Variants in MYLK4 observed in about 807,000 individuals in gnomAD.
The protein encoded by MYLK4 is myosin light chain kinase family member 4.
Under a neutral mutation model 48.1 loss-of-function variants are expected in MYLK4, and 46 were observed. That is an observed-to-expected ratio of 0.96 (90% CI 0.75 to 1.22). MYLK4 has a LOEUF of 1.22. Among genes scored for constraint, MYLK4 ranks in the 50% most tolerant of loss-of-function variants. MYLK4 has a pLI of 0.00. For missense variants in MYLK4, 451 were observed against 486.1 expected (o/e 0.93, Z 0.68); for synonymous variants, 170 against 180.8 (o/e 0.94, Z 0.48).
intron 10 of MYLK4, among the ~76,000 whole-genome samples, chr6:2,676,888 T>A (rs569279148): frequency 6.6e-6 from 1 of 152,288 alleles, no homozygotes; most frequent in South Asian, 2.1e-4. Flanking sequence ...GTAAAACAGG[T>A]TCACAGTAAA....
chr6:2,683,034 T>A lies in MYLK4; in HGVS notation c.674A>T (p.His225Leu). Reference protein sequence around the residue: ...IRHMHQMYILHLDLKPENILC... With the variant: ...IRHMHQMYILLLDLKPENILC... ...AAACACCCTTACCTTCAGGTCCAAG[T>A]GGAGAATGTACATCTGATGCATGTG... The change falls in exon 7 of 13, where the codon CAC (histidine) becomes CTC (leucine). Residue 225 changes from histidine to leucine, a missense_variant. By Grantham distance (99) the His-to-Leu change is moderately conservative. Transcript: ENST00000274643. 6.2e-7 allele frequency: 1 copy of A among 1,614,184 alleles called. No individual in the cohort carries two copies. The highest frequency in any genetic ancestry group is 8.5e-7 in the Non-Finnish European group (1 of 1,180,032).
At chr6:2,687,600 G>GGAGCCA (rs1389382962) in intron 4 of MYLK4, among the ~76,000 whole-genome samples, 6 of 152,168 alleles carry the variant, frequency 3.9e-5, no homozygotes, top group Non-Finnish European at 1.5e-5. Flanking sequence ...AGGCTTCCAT[G>GGAGCCA]GAGCCAGTTC....
chr6:2,678,293 C>T lies in MYLK4; in HGVS notation c.967G>A (p.Glu323Lys). 4 of 1,614,176 alleles carry T rather than the reference C, an allele frequency of 2.5e-6. No homozygotes were observed. Among genetic ancestry groups the T allele is most frequent in the Non-Finnish European group, 3.4e-6 (4 of 1,180,036 alleles). Residue 323 changes from glutamate (E) to lysine (K), a missense_variant, in exon 10 of 13, where the codon GAG (glutamate) becomes AAG (lysine). Physicochemically the swap from Glu to Lys is moderately conservative, Grantham distance 56. Coordinates refer to ENST00000274643, the MANE Select transcript of MYLK4 (RefSeq NM_001012418.5). ...NNILACRWDLEDEEFQDISEE... is the reference protein window; with the variant it reads ...NNILACRWDLKDEEFQDISEE... Reference sequence around the variant, plus strand: ...GAGATGTCCTGAAATTCTTCATCCTCTAAGTCCCACCTGCAGGCCAGGATG... The same window carrying T: ...GAGATGTCCTGAAATTCTTCATCCTTTAAGTCCCACCTGCAGGCCAGGATG...
chr6:2,750,971 G>C (rs1406674753), upstream of MYLK4: 2 of 152,562 alleles, frequency 1.3e-5, no homozygotes, highest in Non-Finnish European at 2.9e-5. Context: ...TTGATCTCAC[G>C]TTGCTCAGCT....
At chr6:2,748,571 A>T (rs1764180339) in intron 2 of MYLK4, among the ~76,000 whole-genome samples, 1 of 152,228 alleles carries the variant, frequency 6.6e-6, no homozygotes, top group Non-Finnish European at 1.5e-5. Context: ...AATTGCTATT[A>T]TCTCACTAAT....
At chr6:2,748,010 A>G (rs1297018868) in intron 2 of MYLK4, among the ~76,000 whole-genome samples, 1 of 152,202 alleles carries the variant, frequency 6.6e-6, no homozygotes, top group East Asian at 1.9e-4. Context: ...TTATTCACTT[A>G]CAATAAAAAG....
intron 4 of MYLK4, 110 bp downstream of exon 4, chr6:2,688,741 G>T: frequency 1.2e-6 from 1 of 857,564 alleles, no homozygotes; most frequent in Non-Finnish European, 1.9e-6. Flanking sequence ...TTCTTAAAAT[G>T]TTTGTTTCTA....
chr6:2,667,861 A>G lies in MYLK4; in HGVS notation c.*64T>C, dbSNP rs531219303. 6.5e-6 allele frequency: 1 copy of G among 152,808 alleles called. No homozygotes were observed. The highest frequency in any genetic ancestry group is 2.1e-4 in the South Asian group (1 of 4,826). 9.5% of individuals were successfully genotyped at this position (152,808 alleles called of 1,614,324 possible). On this transcript the variant is annotated 3_prime_UTR_variant, in exon 13 of 13. Transcript: ENST00000274643. ...AGGCATCAGAACTGCTGATTTTTCA[A>G]AAAATTTTCTCGAAGCAGCAGCAAC...
At chr6:2,669,270 G>T (rs1238800382) in intron 12 of MYLK4, among the ~76,000 whole-genome samples, 1 of 152,204 alleles carries the variant, frequency 6.6e-6, no homozygotes, top group Non-Finnish European at 1.5e-5. Context: ...CAGAGGCTGT[G>T]TCCAGCTGCC....
At chr6:2,755,330 T>G (rs953216338), upstream of MYLK4, among the ~76,000 whole-genome samples, 27 of 152,314 alleles carry the variant, frequency 1.8e-4, no homozygotes, top group African/African-American at 6.5e-4. Flanking sequence ...CACCAAATGT[T>G]AGCATTTTCC....
chr6:2,706,559 G>C (rs1363551240), intron 2 of MYLK4, among the ~76,000 whole-genome samples: 1 of 152,002 alleles, frequency 6.6e-6, no homozygotes, highest in East Asian at 1.9e-4. Flanking sequence ...ATATAATAAT[G>C]GACAAGATTA....
chr6:2,757,136 G>A, the MYLK4 span, among the ~76,000 whole-genome samples: 1 of 137,888 alleles, frequency 7.3e-6, no homozygotes, highest in African/African-American at 2.7e-5. Context: ...TCTCAGAGGT[G>A]TGCTTTTTTT....
intron 3 of MYLK4, among the ~76,000 whole-genome samples, chr6:2,690,823 C>CTTTTTTTTTTTTTTTTTTTTTTTTT (rs35133716): frequency 1.1e-5 from 1 of 88,834 alleles, no homozygotes; most frequent in Non-Finnish European, 2.1e-5. Context: ...CTCTCTGAAT[C>CTTTTTTTTTTTTTTTTTTTTTTTTT]TTTTTTTTTT....
chr6:2,766,080 C>T, the MYLK4 span: 4 of 1,299,662 alleles, frequency 3.1e-6, no homozygotes, highest in South Asian at 2.3e-5. Context: ...GGGAGCGCGT[C>T]TCCGCGCAGC....
chr6:2,737,911 T>C (rs1582117855), intron 2 of MYLK4, among the ~76,000 whole-genome samples: 1 of 126,572 alleles, frequency 7.9e-6, no homozygotes, highest in African/African-American at 2.9e-5. Context: ...TTTTTTTTTT[T>C]CTCTAAGCCA....
the MYLK4 span, among the ~76,000 whole-genome samples, chr6:2,762,941 T>G: frequency 6.6e-6 from 1 of 152,142 alleles, no homozygotes; most frequent in Non-Finnish European, 1.5e-5. Flanking sequence ...ATTAAGACAA[T>G]TCAGACCCAA....
chr6:2,705,348 G>A (rs1483206251), intron 2 of MYLK4, among the ~76,000 whole-genome samples: 1 of 152,192 alleles, frequency 6.6e-6, no homozygotes, highest in Non-Finnish European at 1.5e-5. Context: ...GGAGGGTGAT[G>A]GGAGTAGTCT....
intron 2 of MYLK4, among the ~76,000 whole-genome samples, chr6:2,744,389 G>C (rs1328476458): frequency 1.3e-5 from 2 of 152,218 alleles, no homozygotes; most frequent in Non-Finnish European, 2.9e-5. Flanking sequence ...TGCCGAGGCT[G>C]GGCCACTGCC....
chr6:2,767,836 G>A, the MYLK4 span, among the ~76,000 whole-genome samples: 1 of 152,320 alleles, frequency 6.6e-6, no homozygotes, highest in African/African-American at 2.4e-5. Flanking sequence ...TCATTTGCAA[G>A]CCTAGGCATC....
Sources: gnomAD v4.1 joint callset for allele counts (sites outside exome capture counted in the v4.1 genomes callset) on GRCh38, gnomAD v4.1.1 for gene constraint, MANE v1.5 for transcripts, NCBI Gene and HGNC (gene_info 2026-07-23, HGNC 2026-07-21) for gene names.